The following COL26A1 variants were observed in gnomAD, a reference collection of about 807,000 sequenced individuals.
COL26A1 encodes collagen alpha-1(XXVI) chain.
In COL26A1, 41 loss-of-function variants were observed where a neutral mutation model predicts 59.3. That is an observed-to-expected ratio of 0.69 (90% CI 0.54 to 0.90). The LOEUF (loss-of-function observed/expected upper bound fraction) is 0.90. Ranked by LOEUF, COL26A1 falls within the 40% of genes least tolerant of loss-of-function variation. The probability of loss-of-function intolerance (pLI) is 0.00; values close to 1 mark genes in which losing one functional copy is unlikely to be tolerated. For missense variants in COL26A1, 612 were observed against 602.3 expected (o/e 1.02, Z -0.17); for synonymous variants, 266 against 256.0 (o/e 1.04, Z -0.37).
At chr7:101,369,089 C>T (rs6974909) in intron 1 of COL26A1, among the ~76,000 whole-genome samples, 87,537 of 151,210 alleles carry the variant, frequency 0.58, 26,857 homozygotes, top group African/African-American at 0.8. Context: ...TCCATCATAA[C>T]GTGTTGTGGA....
chr7:101,466,837 T>TGTGTGTGTGTGTGTGAGAGA (rs764059657), intron 3 of COL26A1, among the ~76,000 whole-genome samples: 5 of 122,712 alleles, frequency 4.1e-5, no homozygotes, highest in South Asian at 2.7e-4. Flanking sequence ...TGTGTGTGTG[T>TGTGTGTGTGTGTGTGAGAGA]GAGAGAGAGA....
intron 1 of COL26A1, among the ~76,000 whole-genome samples, chr7:101,366,119 T>C (rs1791039519): frequency 6.6e-6 from 1 of 152,152 alleles, no homozygotes; most frequent in South Asian, 2.1e-4. Flanking sequence ...CCAGAAGGTG[T>C]TGGGGAGGCT....
chr7:101,454,550 C>A (rs1030686883), intron 3 of COL26A1, among the ~76,000 whole-genome samples: 3 of 152,078 alleles, frequency 2.0e-5, no homozygotes, highest in African/African-American at 7.2e-5. Flanking sequence ...TGAGCCACCG[C>A]ACCCGGCCAA....
intron 3 of COL26A1, among the ~76,000 whole-genome samples, chr7:101,529,566 C>T (rs1175814947): frequency 6.6e-6 from 1 of 152,074 alleles, no homozygotes; most frequent in Non-Finnish European, 1.5e-5. Flanking sequence ...GCCTCATCAC[C>T]CAAATGTTGA....
intron 1 of COL26A1, among the ~76,000 whole-genome samples, chr7:101,400,371 T>TGAGA (rs1791966921): frequency 8.8e-6 from 1 of 114,106 alleles, no homozygotes; most frequent in African/African-American, 3.8e-5. Flanking sequence ...TTTTTTTTTT[T>TGAGA]TTTTTTTTGA....
chr7:101,493,452 C>T (rs748772774), intron 3 of COL26A1, among the ~76,000 whole-genome samples: 1 of 152,106 alleles, frequency 6.6e-6, no homozygotes, highest in Non-Finnish European at 1.5e-5. Flanking sequence ...TTCAAGTCCT[C>T]ACCACACTAG....
chr7:101,406,208 C>T (rs971789397), intron 1 of COL26A1, among the ~76,000 whole-genome samples: 1 of 152,220 alleles, frequency 6.6e-6, no homozygotes, highest in African/African-American at 2.4e-5. Context: ...CTTAACTTTT[C>T]AATTCCTTCC....
At chr7:101,399,757 C>T (rs961873764) in intron 1 of COL26A1, among the ~76,000 whole-genome samples, 1 of 152,182 alleles carries the variant, frequency 6.6e-6, no homozygotes, top group African/African-American at 2.4e-5. Flanking sequence ...TTGTGCCCCG[C>T]CTTCATTCTA....
intron 2 of COL26A1, among the ~76,000 whole-genome samples, chr7:101,429,418 A>G (rs1377172358): frequency 6.6e-6 from 1 of 151,794 alleles, no homozygotes; most frequent in East Asian, 1.9e-4. Flanking sequence ...TTTCTCAAAA[A>G]TCATTTGGAC....
intron 10 of COL26A1, among the ~76,000 whole-genome samples, chr7:101,552,304 G>A (rs1325557275): frequency 6.6e-6 from 1 of 152,190 alleles, no homozygotes; most frequent in Non-Finnish European, 1.5e-5. Flanking sequence ...GTAGTAGCTG[G>A]ACATTTACAT....
chr7:101,541,995 C>A (rs1295220286), intron 5 of COL26A1, among the ~76,000 whole-genome samples: 4 of 151,216 alleles, frequency 2.6e-5, no homozygotes. Context: ...GACATGGAGT[C>A]TCACTCTATC....
In COL26A1 at chr7:101,549,184, T is replaced by G. The variant is rs1160357948; in HGVS notation, c.954T>G (p.Pro318=). The change falls in exon 9 of 13, where the codon CCT becomes CCG. Residue 318 remains proline, a synonymous_variant. Coordinates refer to ENST00000313669, the MANE Select transcript of COL26A1 (RefSeq NM_001278563.3). ...GPPGPPGPPG[P]RGPPGPPGTP... ...CTCTGCCCACAGGTCCCCCTGGGCC[T>G]CGAGGTCCCCCAGGACCCCCAGGAA... 4.4e-6 allele frequency: 7 copies of G among 1,603,178 alleles called. No homozygotes were observed. The East Asian group carries it at 1.1e-4, about 26-fold the overall frequency.
At chr7:101,527,761 G>A (rs890590250) in intron 3 of COL26A1, among the ~76,000 whole-genome samples, 4 of 151,748 alleles carry the variant, frequency 2.6e-5, no homozygotes, top group Admixed American at 6.6e-5. Flanking sequence ...GGTCCTAGAC[G>A]CTGGGAAAGG....
At chr7:101,374,851 G>A (rs1298321377) in intron 1 of COL26A1, among the ~76,000 whole-genome samples, 1 of 151,982 alleles carries the variant, frequency 6.6e-6, no homozygotes, top group African/African-American at 2.4e-5. Context: ...AGGTCATGAT[G>A]GAGTTTGAGA....
At chr7:101,394,491 C>T (rs1237875122) in intron 1 of COL26A1, among the ~76,000 whole-genome samples, 3 of 151,922 alleles carry the variant, frequency 2.0e-5, no homozygotes, top group African/African-American at 7.3e-5. Flanking sequence ...ACTGCAGCCT[C>T]GAATTCTTGG....
At chr7:101,382,249 A>C (rs554529884) in intron 1 of COL26A1, among the ~76,000 whole-genome samples, 3 of 152,048 alleles carry the variant, frequency 2.0e-5, no homozygotes, top group African/African-American at 7.2e-5. Context: ...AGGTCTTGCT[A>C]TCTTGTCCAG....
chr7:101,526,729 T>C (rs1414057134), intron 3 of COL26A1, among the ~76,000 whole-genome samples: 2 of 152,146 alleles, frequency 1.3e-5, no homozygotes, highest in Non-Finnish European at 2.9e-5. Context: ...GTTGTCCTGC[T>C]GTGGGTGGGC....
intron 3 of COL26A1, among the ~76,000 whole-genome samples, chr7:101,512,310 A>T (rs543123639): frequency 6.6e-6 from 1 of 152,184 alleles, no homozygotes; most frequent in South Asian, 2.1e-4. Context: ...TGGATGGGGA[A>T]AATTTGGCTG....
At chr7:101,381,645 CAAT>C (rs1791453669) in intron 1 of COL26A1, among the ~76,000 whole-genome samples, 1 of 152,140 alleles carries the variant, frequency 6.6e-6, no homozygotes, top group African/African-American at 2.4e-5. Flanking sequence ...AGCCCTTTTA[CAAT>C]CCGTATAATC....
Sources: allele counts gnomAD v4.1 joint callset (sites outside exome capture counted in the v4.1 genomes callset), GRCh38; gene constraint gnomAD v4.1.1; transcripts MANE v1.5; gene names NCBI Gene and HGNC (gene_info 2026-07-23, HGNC 2026-07-21).